TTLL3: variants seen among roughly 807,000 people sequenced by gnomAD.
TTLL3 encodes tubulin monoglycylase TTLL3.
In TTLL3, 63 loss-of-function variants were observed where a neutral mutation model predicts 75.2. That is an observed-to-expected ratio of 0.84 (90% confidence interval 0.68 to 1.03). The LOEUF is 1.03. TTLL3 is among the 50% of genes least tolerant of loss of function. The pLI is 0.00. For missense variants in TTLL3, 997 were observed against 1,069.9 expected (o/e 0.93, Z 0.95); for synonymous variants, 393 against 418.5 (o/e 0.94, Z 0.74).
At position 9,816,523 on chromosome 3, in the gene TTLL3, C is replaced by CTTTTTTTTTTTTTTTTTTTTTTTTTT. The variant is rs71052206; in HGVS notation, c.444+332_444+333insTTTTTTTTTTTTTTTTTTTTTTTTTT. 2.9e-5 allele frequency among the ~76,000 whole-genome samples: 3 copies of CTTTTTTTTTTTTTTTTTTTTTTTTTT among 103,992 alleles called. 1 individual carries two copies. Among genetic ancestry groups the CTTTTTTTTTTTTTTTTTTTTTTTTTT allele is most frequent in the African/African-American group, 3.7e-5 (1 of 27,328 alleles). The allele number at this position is 103,992 out of a possible 152,430, so 68.2% of individuals were successfully genotyped here. A position where few individuals can be genotyped will look rare whatever the true frequency, so the allele number is the denominator to read the frequency against. On this transcript the variant is annotated intron_variant, in intron 5 of 13. Coordinates refer to ENST00000685419, the MANE Select transcript of TTLL3 (RefSeq NM_001387446.1). Reference sequence around the variant, plus strand: ...GACCCATTCTGTCTTACCTGGGTTTCTTTTTTTTTTTGAGACAGAGTCTTG... The same window carrying CTTTTTTTTTTTTTTTTTTTTTTTTTT: ...GACCCATTCTGTCTTACCTGGGTTTCTTTTTTTTTTTTTTTTTTTTTTTTTTTTTTTTTTTTTGAGACAGAGTCTTG...
rs1216112593 is a variant in TTLL3, at chr3:9,835,098, C to T, written c.2057C>T (p.Pro686Leu). Reference protein sequence around the residue: ...APSILKPRKAPALLCLRGPQL... With the variant: ...APSILKPRKALALLCLRGPQL... Reference sequence around the variant, plus strand: ...CTCCCCTCCTTTCACACCGAGGCTCCTGCTCTCCTGTGCCTCCGAGGCCCC... The same window carrying T: ...CTCCCCTCCTTTCACACCGAGGCTCTTGCTCTCCTGTGCCTCCGAGGCCCC... The change falls in exon 14 of 14, where the codon CCT (proline) becomes CTT (leucine). Residue 686 changes from proline (P) to leucine (L), a missense_variant. Pro to Leu is a moderately conservative substitution (Grantham distance 98). Coordinates refer to ENST00000685419, the MANE Select transcript of TTLL3 (RefSeq NM_001387446.1). 4 of 1,607,520 alleles carry T rather than the reference C, an allele frequency of 2.5e-6. No homozygotes were observed. In the Admixed American group the frequency reaches 5.1e-5, roughly 20 times the overall value.
chr3:9,818,529 T>C (rs749675562), intron 6 of TTLL3: 42 of 549,368 alleles, frequency 7.6e-5, no homozygotes, highest in Admixed American at 1.4e-4. Context: ...CCATCACGCC[T>C]GGCTAATTTT....
chr3:9,825,337 C>CG lies in TTLL3; in HGVS notation c.855-463_855-462insG, dbSNP rs2080924051. 3 of 119,602 alleles carry CG rather than the reference C, an allele frequency of 2.5e-5. No homozygotes were observed. The Admixed American group carries it at 2.8e-4, about 11-fold the overall frequency. 7.4% of individuals were successfully genotyped at this position (119,602 alleles called of 1,614,324 possible). A position where few individuals can be genotyped will look rare whatever the true frequency, so the allele number is the denominator to read the frequency against. On this transcript the variant is annotated intron_variant, in intron 8 of 13. Coordinates refer to ENST00000685419, the MANE Select transcript of TTLL3 (RefSeq NM_001387446.1). ...TGGGTGACAGACCAAGACCCTGTCT[C>CG]AAAAAAAAAAAAAAAAAGTCGGGGG...
At chr3:9,817,821 G>C in intron 6 of TTLL3, 62 bp downstream of exon 6, 1 of 1,602,400 alleles carries the variant, frequency 6.2e-7, no homozygotes, top group South Asian at 1.1e-5. Context: ...TGAAGCTCTG[G>C]CTCATATTGG....
At position 9,825,592 on chromosome 3, in the gene TTLL3, C is replaced by T. The variant is rs192645628; in HGVS notation, c.855-208C>T. On this transcript the variant is annotated intron_variant, in intron 8 of 13. Coordinates refer to ENST00000685419, the MANE Select transcript of TTLL3 (RefSeq NM_001387446.1). ...GTTAATGGAATTTTATCAGCCTTTC[C>T]CATTTGTGTAGTCTGGGCAGGTTAG... The T allele has an allele frequency of 6.3e-5, 49 of 779,944 alleles. No individual in the cohort carries two copies. The African/African-American group carries it at 7.6e-4, about 12-fold the overall frequency. The allele number at this position is 779,944 out of a possible 1,614,324, so 48.3% of individuals were successfully genotyped here.
rs201213433 is a variant in TTLL3 at position 9,835,403 on chromosome 3, T to A, written c.2362T>A (p.Tyr788Asn). Residue 788 changes from tyrosine to asparagine, a missense_variant, in exon 14 of 14, where the codon TAT (tyrosine) becomes AAT (asparagine). Tyr to Asn is a moderately radical substitution (Grantham distance 143). Transcript: ENST00000685419. ...ACCAAATAAAAAGAAACAAGTGAAG[T>A]ATTTGGGGCTTGACTCCATTGCTGT... is the stretch of plus-strand genomic sequence containing the variant. ...PTPNKKKQVK[Y>N]LGLDSIAVGG... 162 of 1,613,232 alleles carry A rather than the reference T, an allele frequency of 1.0e-4. 1 individual carries two copies. In the African/African-American group the frequency reaches 2.0e-3, roughly 20 times the overall value.
chr3:9,816,016 C>A, intron 4 of TTLL3, 58 bp from the exon 5 acceptor site: 1 of 1,306,346 alleles, frequency 7.7e-7, no homozygotes. Context: ...GGAGAGGCTG[C>A]CTTAGGCCCT....
chr3:9,827,461 G>A, intron 10 of TTLL3: 1 of 752,752 alleles, frequency 1.3e-6, no homozygotes, highest in Non-Finnish European at 2.0e-6. Flanking sequence ...GGAGTGCAGT[G>A]GCATGGTCAC....
At chr3:9,830,921 GC>G (rs1379345333) in intron 11 of TTLL3, among the ~76,000 whole-genome samples, 1 of 151,868 alleles carries the variant, frequency 6.6e-6, no homozygotes, top group Non-Finnish European at 1.5e-5. Flanking sequence ...TCCTGCCTCC[GC>G]CCCCTGAGTA....
At chr3:9,818,973 G>T in intron 7 of TTLL3, 53 bp downstream of exon 7, 1 of 1,610,846 alleles carries the variant, frequency 6.2e-7, no homozygotes, top group Non-Finnish European at 8.5e-7. Context: ...CCACCCATCC[G>T]CCCTTCCACC....
chr3:9,830,249 A>G (rs1393531820), intron 11 of TTLL3, among the ~76,000 whole-genome samples: 1 of 152,232 alleles, frequency 6.6e-6, no homozygotes, highest in Non-Finnish European at 1.5e-5. Flanking sequence ...TATAACCTGT[A>G]AAGTGCCTGA....
chr3:9,819,715 C>T (rs112620251), intron 7 of TTLL3: 6 of 985,302 alleles, frequency 6.1e-6, no homozygotes, highest in East Asian at 1.1e-4. Context: ...GACCCATCAG[C>T]GAGGGATTCA....
Position 9,827,022 on chromosome 3 carries a change from G to A in TTLL3, c.1029G>A (p.Glu343=). ...GRGIMCMDHL[E]EMLKLVNGNP... is the part of the protein sequence containing the mutation. ...GCATCATGTGCATGGACCACCTGGAGGAGATGCTGAAGCTGGTGAACGGCA... is the reference window on the plus strand; with the variant it reads ...GCATCATGTGCATGGACCACCTGGAAGAGATGCTGAAGCTGGTGAACGGCA... The change falls in exon 10 of 14, where the codon GAG becomes GAA. Residue 343 remains glutamate (E), a synonymous_variant. Transcript: ENST00000685419. The A allele has an allele frequency of 6.2e-7, 1 of 1,614,196 alleles. No homozygotes were observed.
chr3:9,816,189 C>A lies in TTLL3; in HGVS notation c.431C>A (p.Ser144Tyr). The A allele has an allele frequency of 7.4e-7, 1 of 1,353,212 alleles. No homozygotes were observed. 83.8% of individuals were successfully genotyped at this position (1,353,212 alleles called of 1,614,324 possible). A position where few individuals can be genotyped will look rare whatever the true frequency, so the allele number is the denominator to read the frequency against. ...ATAAACCACTACGCCCGGGCTGGCT[C>A]CTTTACCACAAAGGTGGGCTCCCTA... is the stretch of plus-strand genomic sequence containing the variant. The part of the protein sequence containing the change: ...QMINHYARAG[S>Y]FTTKVGLCLN... The change falls in exon 5 of 14, where the codon TCC becomes TAC. Residue 144 changes from serine (S) to tyrosine (Y), a missense_variant. Physicochemically the swap from Ser to Tyr is moderately radical, Grantham distance 144 (BLOSUM62 -2). Transcript: ENST00000685419.
intron 10 of TTLL3, chr3:9,828,738 T>C (rs1177452853): frequency 1.2e-5 from 7 of 608,438 alleles, no homozygotes; most frequent in South Asian, 4.2e-5. Flanking sequence ...CCCCCGTAAC[T>C]AGCGCCCTCA....
intron 8 of TTLL3, among the ~76,000 whole-genome samples, chr3:9,824,622 G>A (rs1212569269): frequency 6.6e-6 from 1 of 152,010 alleles, no homozygotes; most frequent in African/African-American, 2.4e-5. Flanking sequence ...TATTGGCCAG[G>A]ATGGTCTCAA....
intron 4 of TTLL3, 123 bp downstream of exon 4, chr3:9,813,468 GT>G (rs2079533003): frequency 2.6e-6 from 3 of 1,142,096 alleles, no homozygotes; most frequent in Non-Finnish European, 1.2e-6. Flanking sequence ...CCTATCTGTA[GT>G]AAAAACTGCT....
Position 9,816,069 on chromosome 3 carries a change from C to A in TTLL3, c.316-5C>A. 7.4e-7 allele frequency: 1 copy of A among 1,353,402 alleles called. No homozygotes were observed. The highest frequency in any genetic ancestry group is 9.9e-7 in the Non-Finnish European group (1 of 1,015,070). The allele number at this position is 1,353,402 out of a possible 1,614,324, so 83.8% of individuals were successfully genotyped here. A position where few individuals can be genotyped will look rare whatever the true frequency, so the allele number is the denominator to read the frequency against. ...CTGTGTTTCTGTCTCCTCCTGTCTC[C>A]CCAGTCCCGCATGGTCCAGAATGAG... On this transcript the variant is annotated splice_polypyrimidine_tract_variant and splice_region_variant and intron_variant, in intron 4 of 13. Transcript: ENST00000685419.
At chr3:9,829,432 C>A (rs2124956635) in intron 11 of TTLL3, 37 bp downstream of exon 11, 1 of 1,544,536 alleles carries the variant, frequency 6.5e-7, no homozygotes, top group East Asian at 2.3e-5. Flanking sequence ...CCCAGAGAGT[C>A]TGCACCCTCT....
Sources: gnomAD v4.1 joint callset for allele counts (sites outside exome capture counted in the v4.1 genomes callset) on GRCh38, gnomAD v4.1.1 for gene constraint, MANE v1.5 for transcripts, NCBI Gene and HGNC (gene_info 2026-07-23, HGNC 2026-07-21) for gene names.